Variants in HMOX2 observed in about 807,000 individuals in gnomAD.
The protein encoded by HMOX2 is heme oxygenase 2, also known as heme oxygenase (decycling) 2.
In HMOX2, 30 loss-of-function variants were observed where a neutral mutation model predicts 33.7. That is an observed-to-expected ratio of 0.89 (90% CI 0.67 to 1.21). The LOEUF (loss-of-function observed/expected upper bound fraction) is 1.21, where lower values mean the gene tolerates loss of function less well. Ranked by LOEUF, HMOX2 falls within the 50% of genes most tolerant of loss-of-function variation. The pLI is 0.00. For missense variants in HMOX2, 403 were observed against 399.1 expected (o/e 1.01, Z -0.08); for synonymous variants, 155 against 155.0 (o/e 1.00, Z 0.00).
At position 4,509,994 on chromosome 16, in the gene HMOX2, TG is replaced by T. The variant is rs2058797598; in HGVS notation, c.*240del. The T allele has an allele frequency of 5.5e-6, 3 of 549,882 alleles. No homozygotes were observed. Among genetic ancestry groups the T allele is most frequent in the Non-Finnish European group, 9.7e-6 (3 of 308,538 alleles). 34.1% of individuals were successfully genotyped at this position (549,882 alleles called of 1,614,324 possible). ...AGCAGTCGGCACAGTGCAGCAAGCCTGGCCCCCGACCCAGCTCTACTCCAGG... is the reference window on the plus strand; with the variant it reads ...AGCAGTCGGCACAGTGCAGCAAGCCTGCCCCCGACCCAGCTCTACTCCAGG... On this transcript the variant is annotated 3_prime_UTR_variant, in exon 6 of 6. Coordinates refer to ENST00000570646, the MANE Select transcript of HMOX2 (RefSeq NM_002134.4).
At chr16:4,488,367 G>A (rs571977274) in intron 1 of HMOX2, among the ~76,000 whole-genome samples, 143 of 152,260 alleles carry the variant, frequency 9.4e-4, no homozygotes, top group South Asian at 1.9e-3. Flanking sequence ...GGAATTAAAG[G>A]AATTAAACTC....
intron 1 of HMOX2, among the ~76,000 whole-genome samples, chr16:4,487,162 G>C (rs2058189229): frequency 6.6e-6 from 1 of 152,100 alleles, no homozygotes; most frequent in Non-Finnish European, 1.5e-5. Flanking sequence ...GAGAGGCTAA[G>C]TTGGAAGTAT....
At chr16:4,476,267 C>G (rs1224063030), upstream of HMOX2, 1 of 152,358 alleles carries the variant, frequency 6.6e-6, no homozygotes, top group Non-Finnish European at 1.5e-5. Flanking sequence ...CCTGCAACCT[C>G]CAGAGACCTG....
chr16:4,480,413 C>T (rs1302065239), intron 1 of HMOX2, among the ~76,000 whole-genome samples: 12 of 143,166 alleles, frequency 8.4e-5, no homozygotes, highest in African/African-American at 3.1e-4. Flanking sequence ...GGCGCCGTCT[C>T]GGCTCACTGC....
At chr16:4,475,411 G>T (rs567032269), upstream of HMOX2, among the ~76,000 whole-genome samples, 1 of 151,940 alleles carries the variant, frequency 6.6e-6, no homozygotes, top group African/African-American at 2.4e-5. Context: ...GGGTTCAAGT[G>T]ATTCTCCTGC....
chr16:4,506,993 T>C lies in HMOX2; in HGVS notation c.185T>C (p.Ile62Thr), dbSNP rs2058710010. 1 of 1,610,696 alleles carries C rather than the reference T, an allele frequency of 6.2e-7. No individual in the cohort carries two copies. Residue 62 changes from isoleucine (I) to threonine (T), a missense_variant, in exon 3 of 6, where the codon ATT becomes ACT. Transcript: ENST00000570646. ...GTCAAGGACTTCTTGAAAGGCAACA[T>C]TAAGAAGGAGCTGTTTAAGGTTTGT... ...QFVKDFLKGN[I>T]KKELFKLATT...
chr16:4,501,182 A>G (rs1418606842), intron 1 of HMOX2, among the ~76,000 whole-genome samples: 1 of 151,970 alleles, frequency 6.6e-6, no homozygotes, highest in African/African-American at 2.4e-5. Flanking sequence ...TTTCTTTCCA[A>G]GAGAATTGAG....
At chr16:4,493,315 C>G (rs1270866794) in intron 1 of HMOX2, among the ~76,000 whole-genome samples, 1 of 152,206 alleles carries the variant, frequency 6.6e-6, no homozygotes. Flanking sequence ...CTTGGCTTCT[C>G]AAAGTGCTGG....
intron 1 of HMOX2, among the ~76,000 whole-genome samples, chr16:4,487,875 C>T (rs137875141): frequency 0.02 from 3,022 of 150,260 alleles, 52 homozygotes; most frequent in Middle Eastern, 0.041. Context: ...TGCTTGAACC[C>T]GGGAGGCGGA....
intron 1 of HMOX2, among the ~76,000 whole-genome samples, chr16:4,494,529 T>C (rs756183064): frequency 2.0e-5 from 3 of 152,084 alleles, no homozygotes; most frequent in Non-Finnish European, 4.4e-5. Context: ...GGTTATGAGA[T>C]GTGTTCCAAA....
rs763483829 is a variant in HMOX2 at position 4,509,578 on chromosome 16, G to A, written c.823+40G>A. The A allele has an allele frequency of 8.1e-6, 13 of 1,613,952 alleles. No homozygotes were observed. In the East Asian group the frequency reaches 2.7e-4, roughly 33 times the overall value. On this transcript the variant is annotated intron_variant, in intron 5 of 5. Transcript: ENST00000570646. The stretch of plus-strand genomic sequence containing the variant: ...CCTGAGCTCCCCTCCTGGGGCAGGT[G>A]TAGCAGGAGACTCCACTGATGCCAT...
chr16:4,506,582 T>C (rs2058698317), intron 2 of HMOX2, among the ~76,000 whole-genome samples: 1 of 152,174 alleles, frequency 6.6e-6, no homozygotes, highest in South Asian at 2.1e-4. Context: ...GACCACTAGG[T>C]GGCCACAGAA....
intron 1 of HMOX2, among the ~76,000 whole-genome samples, chr16:4,480,531 G>C (rs983302591): frequency 2.0e-5 from 3 of 151,988 alleles, no homozygotes; most frequent in Middle Eastern, 6.8e-3. Context: ...TTTTAGTAGA[G>C]ACGGGGTTTC....
intron 1 of HMOX2, among the ~76,000 whole-genome samples, chr16:4,502,277 A>C (rs528011417): frequency 6.6e-6 from 1 of 152,340 alleles, no homozygotes; most frequent in Admixed American, 6.5e-5. Flanking sequence ...ATTAAGCAAG[A>C]CTATACTCTC....
chr16:4,497,068 G>C (rs1464264758), intron 1 of HMOX2, among the ~76,000 whole-genome samples: 1 of 152,000 alleles, frequency 6.6e-6, no homozygotes, highest in East Asian at 1.9e-4. Flanking sequence ...GGCACTCTCA[G>C]GTTTCCCAAA....
rs1459877169 is a variant in HMOX2 at position 4,507,728 on chromosome 16, C to T, written c.220C>T (p.Leu74Phe). 6.2e-7 allele frequency: 1 copy of T among 1,614,022 alleles called. No homozygotes were observed. The highest frequency in any genetic ancestry group is 8.5e-7 in the Non-Finnish European group (1 of 1,179,894). Reference sequence around the variant, plus strand: ...ACCTCCACAGCTGGCCACCACGGCACTTTACTTCACATACTCAGCCCTCGA... The same window carrying T: ...ACCTCCACAGCTGGCCACCACGGCATTTTACTTCACATACTCAGCCCTCGA... The part of the protein sequence containing the change: ...KELFKLATTA[L>F]YFTYSALEEE... Residue 74 changes from leucine (L) to phenylalanine (F), a missense_variant, in exon 4 of 6, where the codon CTT (leucine) becomes TTT (phenylalanine). Physicochemically the swap from Leu to Phe is conservative, Grantham distance 22. Transcript: ENST00000570646.
intron 1 of HMOX2, among the ~76,000 whole-genome samples, chr16:4,487,783 G>A (rs2058208457): frequency 7.3e-6 from 1 of 136,674 alleles, no homozygotes; most frequent in Admixed American, 7.3e-5. Context: ...GCGAGACTCC[G>A]TCTCAAAAAA....
At chr16:4,489,728 G>C (rs2058260844) in intron 1 of HMOX2, among the ~76,000 whole-genome samples, 1 of 152,076 alleles carries the variant, frequency 6.6e-6, no homozygotes, top group South Asian at 2.1e-4. Context: ...CAAGGCGCTG[G>C]GATTACAGGT....
intron 1 of HMOX2, among the ~76,000 whole-genome samples, chr16:4,494,241 G>A (rs571372493): frequency 7.9e-5 from 12 of 151,792 alleles, no homozygotes; most frequent in Admixed American, 1.3e-4. Flanking sequence ...GCATGAACCC[G>A]GGAGGTGGAG....
Sources: allele counts gnomAD v4.1 joint callset (sites outside exome capture counted in the v4.1 genomes callset), GRCh38; gene constraint gnomAD v4.1.1; transcripts MANE v1.5; gene names NCBI Gene and HGNC (gene_info 2026-07-23, HGNC 2026-07-21).